The following VEGFC variants were observed in gnomAD, a reference collection of about 807,000 sequenced individuals.
VEGFC encodes the protein FLT4 ligand DHM.
In VEGFC, 12 loss-of-function variants were observed where a neutral mutation model predicts 46.1. That is an observed-to-expected ratio of 0.26 (90% CI 0.17 to 0.42). The LOEUF is 0.42. VEGFC is among the 10% of genes least tolerant of loss of function. The pLI, the probability that VEGFC is intolerant of heterozygous loss-of-function variation, is 1.00. For missense variants in VEGFC, 488 were observed against 529.4 expected (o/e 0.92, Z 0.77); for synonymous variants, 232 against 195.5 (o/e 1.19, Z -1.56).
Position 176,792,372 on chromosome 4 carries a change from C to T in VEGFC, c.-61G>A. The T allele has an allele frequency of 7.5e-7, 1 of 1,335,248 alleles. No individual in the cohort carries two copies. Among genetic ancestry groups the T allele is most frequent in the Non-Finnish European group, 9.7e-7 (1 of 1,026,310 alleles). The allele number at this position is 1,335,248 out of a possible 1,614,324, so 82.7% of individuals were successfully genotyped here. On this transcript the variant is annotated 5_prime_UTR_variant, in exon 1 of 7. Transcript: ENST00000618562. The surrounding 1 kb of genome is among the most constrained non-coding windows in gnomAD (Gnocchi z 6.3). ...GCGGGGGCAGGGGTGGGGGCGCGGGCGCCCCTGCGAGGCCGCGGGCCCCTC... is the reference window on the plus strand; with the variant it reads ...GCGGGGGCAGGGGTGGGGGCGCGGGTGCCCCTGCGAGGCCGCGGGCCCCTC...
At chr4:176,735,363 T>G (rs188307703) in intron 1 of VEGFC, among the ~76,000 whole-genome samples, 1 of 152,080 alleles carries the variant, frequency 6.6e-6, no homozygotes, top group East Asian at 1.9e-4. Flanking sequence ...TTGTGTATTT[T>G]TATTTTAACA....
chr4:176,696,180 G>C (rs1245746939), intron 4 of VEGFC, among the ~76,000 whole-genome samples: 5 of 144,578 alleles, frequency 3.5e-5, no homozygotes, highest in African/African-American at 7.8e-5. Flanking sequence ...ATTAGGAAAA[G>C]AGGAAGTCAA....
At chr4:176,759,981 G>GT (rs1234540234) in intron 1 of VEGFC, among the ~76,000 whole-genome samples, 1 of 152,030 alleles carries the variant, frequency 6.6e-6, no homozygotes, top group African/African-American at 2.4e-5. Flanking sequence ...AGAAATAAGT[G>GT]TTTTTACACA....
chr4:176,720,533 T>C (rs1186376292), intron 3 of VEGFC, among the ~76,000 whole-genome samples: 2 of 152,124 alleles, frequency 1.3e-5, no homozygotes, highest in African/African-American at 4.8e-5. Flanking sequence ...TTTGTTTTCA[T>C]GGAGTCTAGA....
intron 1 of VEGFC, among the ~76,000 whole-genome samples, chr4:176,785,851 T>A (rs768077995): frequency 1.3e-5 from 2 of 152,208 alleles, no homozygotes; most frequent in Non-Finnish European, 2.9e-5. Flanking sequence ...TCTGTGTATG[T>A]GTATCTAAGC....
intron 1 of VEGFC, among the ~76,000 whole-genome samples, chr4:176,758,825 C>T (rs1242319089): frequency 6.6e-6 from 1 of 152,074 alleles, no homozygotes; most frequent in Non-Finnish European, 1.5e-5. Flanking sequence ...AGGTTCTAGC[C>T]CTTTCCTGTA....
rs148140472 is a variant in VEGFC, at chr4:176,770,979, TAC to T, written c.147+21184_147+21185del. On this transcript the variant is annotated intron_variant, in intron 1 of 6. Transcript: ENST00000618562. ...TTCAATTGAAGGTGCAAGTAACTGA[TAC>T]ACACACACACACACACACACACACA... Among the ~76,000 whole-genome samples the T allele has an allele frequency of 4.1e-3, 609 of 148,512 alleles. 4 individuals carry two copies. The highest frequency in any genetic ancestry group is 0.014 in the African/African-American group (549 of 40,168).
chr4:176,687,559 TG>T, intron 5 of VEGFC, 39 bp from the exon 6 acceptor site: 1 of 1,482,580 alleles, frequency 6.7e-7, no homozygotes, highest in Non-Finnish European at 8.9e-7. Flanking sequence ...ATACCTTACT[TG>T]GTTCTGGGTG....
chr4:176,716,988 C>G (rs1480869899), intron 3 of VEGFC, among the ~76,000 whole-genome samples: 1 of 152,020 alleles, frequency 6.6e-6, no homozygotes, highest in Non-Finnish European at 1.5e-5. Flanking sequence ...CTAATAGCTC[C>G]AAGTATGTTT....
Position 176,711,591 on chromosome 4 carries a change from G to C in VEGFC, c.612C>G (p.Ala204=). Residue 204 remains alanine, a synonymous_variant, in exon 4 of 7, where the codon GCC becomes GCG. Coordinates refer to ENST00000618562, the MANE Select transcript of VEGFC (RefSeq NM_005429.5). ...ACATGCATCGGCAGGAAGTGTGATT[G>C]GCAAAACTGATTGTTACTGGTTTGG... ...QGPKPVTISF[A]NHTSCRCMSK... is the part of the protein sequence containing the mutation. 6.2e-7 allele frequency: 1 copy of C among 1,613,746 alleles called. No homozygotes were observed. The highest frequency in any genetic ancestry group is 8.5e-7 in the Non-Finnish European group (1 of 1,179,778).
intron 3 of VEGFC, among the ~76,000 whole-genome samples, chr4:176,720,395 A>T (rs1734764021): frequency 6.6e-6 from 1 of 152,156 alleles, no homozygotes; most frequent in Non-Finnish European, 1.5e-5. Flanking sequence ...TCAAATCAGC[A>T]TATTCAAAAT....
At position 176,711,561 on chromosome 4, in the gene VEGFC, T is replaced by C. The variant is rs780409353; in HGVS notation, c.642A>G (p.Lys214=). ...ANHTSCRCMS[K]LDVYRQVHSI... The stretch of plus-strand genomic sequence containing the variant: ...AATGAACTTGTCTGTAAACATCCAG[T>C]TTAGACATGCATCGGCAGGAAGTGT... Residue 214 remains lysine (K), a synonymous_variant, in exon 4 of 7, where the codon AAA becomes AAG. Coordinates refer to ENST00000618562, the MANE Select transcript of VEGFC (RefSeq NM_005429.5). 1.9e-6 allele frequency: 3 copies of C among 1,613,812 alleles called. No individual in the cohort carries two copies. In the South Asian group the frequency reaches 3.3e-5, roughly 18 times the overall value.
chr4:176,740,406 TTA>T (rs1226362966), intron 1 of VEGFC, among the ~76,000 whole-genome samples: 7 of 104,584 alleles, frequency 6.7e-5, no homozygotes, highest in African/African-American at 1.9e-4. Context: ...TTATATATAG[TTA>T]TATATATTCT....
At chr4:176,764,288 A>G (rs1486997199) in intron 1 of VEGFC, among the ~76,000 whole-genome samples, 1 of 152,176 alleles carries the variant, frequency 6.6e-6, no homozygotes, top group Non-Finnish European at 1.5e-5. Flanking sequence ...GCAGAAAACA[A>G]CAGAGTTAAC....
At chr4:176,719,719 A>C (rs2111007318) in intron 3 of VEGFC, among the ~76,000 whole-genome samples, 1 of 152,308 alleles carries the variant, frequency 6.6e-6, no homozygotes, top group East Asian at 1.9e-4. Context: ...CATAATATGA[A>C]GCGTCACATA....
intron 1 of VEGFC, among the ~76,000 whole-genome samples, chr4:176,733,200 G>T (rs1297497209): frequency 6.6e-6 from 1 of 151,908 alleles, no homozygotes; most frequent in Non-Finnish European, 1.5e-5. Context: ...TGCAAAAACA[G>T]TTGGGCAGTT....
chr4:176,707,532 A>G (rs1022402808), intron 4 of VEGFC, among the ~76,000 whole-genome samples: 8 of 152,186 alleles, frequency 5.3e-5, no homozygotes, highest in African/African-American at 1.9e-4. Context: ...TTATTTGGGT[A>G]TATCACACGT....
chr4:176,718,990 T>G (rs943564917), intron 3 of VEGFC, among the ~76,000 whole-genome samples: 2 of 152,162 alleles, frequency 1.3e-5, no homozygotes, highest in Non-Finnish European at 2.9e-5. Flanking sequence ...TGAAAAGACA[T>G]CCAATCTACT....
chr4:176,689,938 A>AAT (rs1464471199), intron 4 of VEGFC, among the ~76,000 whole-genome samples: 2 of 152,164 alleles, frequency 1.3e-5, no homozygotes, highest in Non-Finnish European at 2.9e-5. Flanking sequence ...TTTTGTAGGA[A>AAT]ATAGCTATGT....
Sources: gnomAD v4.1 joint callset for allele counts (sites outside exome capture counted in the v4.1 genomes callset) on GRCh38, gnomAD v4.1.1 for gene constraint, Gnocchi (gnomAD v3.1) non-coding constraint, MANE v1.5 for transcripts, NCBI Gene and HGNC (gene_info 2026-07-23, HGNC 2026-07-21) for gene names.